The following FAM13A variants were observed in gnomAD, a reference collection of about 807,000 sequenced individuals.
FAM13A encodes the protein protein FAM13A.
Under a neutral mutation model 129.6 loss-of-function variants are expected in FAM13A, and 76 were observed. The ratio of observed to expected loss-of-function variants is 0.59; its 90% CI spans 0.49 to 0.71. The LOEUF (loss-of-function observed/expected upper bound fraction) is 0.71. FAM13A is among the 30% of genes least tolerant of loss of function. The pLI is 0.00. For missense variants in FAM13A, 1,108 were observed against 1,249.3 expected, an observed-to-expected ratio of 0.89 and a Z score of 1.70; for synonymous variants, 443 against 449.9, an observed-to-expected ratio of 0.98 and a Z score of 0.20.
At chr4:88,955,481 T>C (rs1757607244) in intron 4 of FAM13A, among the ~76,000 whole-genome samples, 1 of 152,026 alleles carries the variant, frequency 6.6e-6, no homozygotes, top group South Asian at 2.1e-4. Flanking sequence ...ACACAGTAAA[T>C]TGGTACCGGG....
chr4:88,842,972 G>A (rs1381815943), intron 7 of FAM13A, among the ~76,000 whole-genome samples: 1 of 152,150 alleles, frequency 6.6e-6, no homozygotes, highest in Admixed American at 6.5e-5. Flanking sequence ...ATTTGGAAAG[G>A]AGACTGAAAT....
chr4:88,988,324 CT>C (rs1762524428), intron 4 of FAM13A, among the ~76,000 whole-genome samples: 1 of 152,136 alleles, frequency 6.6e-6, no homozygotes, highest in African/African-American at 2.4e-5. Flanking sequence ...ATTGGATCGT[CT>C]TCTGAGAAAA....
At chr4:89,021,341 C>G (rs1445619696) in intron 2 of FAM13A, among the ~76,000 whole-genome samples, 1 of 152,152 alleles carries the variant, frequency 6.6e-6, no homozygotes, top group East Asian at 1.9e-4. Context: ...TTCAGGGCCC[C>G]TCATTTTCTT....
chr4:88,825,235 G>A (rs923583008), intron 7 of FAM13A, among the ~76,000 whole-genome samples: 7 of 147,946 alleles, frequency 4.7e-5, no homozygotes, highest in Non-Finnish European at 7.5e-5. Flanking sequence ...TTTGGGGGGG[G>A]GATGGAATCT....
At position 88,992,472 on chromosome 4, in the gene FAM13A, T is replaced by C. The variant is rs1329541431; in HGVS notation, c.428-1322A>G. On this transcript the variant is annotated intron_variant, in intron 3 of 23. Coordinates refer to ENST00000264344, the MANE Select transcript of FAM13A (RefSeq NM_014883.4). ...TTTTAGTAGAGACGGCATTTCACCATGTTGGCCAGGCTGGGGCCTCCCAAA... is the reference window on the plus strand; with the variant it reads ...TTTTAGTAGAGACGGCATTTCACCACGTTGGCCAGGCTGGGGCCTCCCAAA... 2.0e-5 allele frequency among the ~76,000 whole-genome samples: 3 copies of C among 152,098 alleles called. No individual in the cohort carries two copies. In the East Asian group the frequency reaches 5.8e-4, roughly 29 times the overall value.
chr4:88,919,857 T>C (rs1468609854), intron 5 of FAM13A, among the ~76,000 whole-genome samples: 1 of 152,230 alleles, frequency 6.6e-6, no homozygotes, highest in African/African-American at 2.4e-5. Context: ...ATACTGCGCT[T>C]TTCCGACGGG....
At chr4:88,927,831 C>G (rs1313040288) in intron 5 of FAM13A, among the ~76,000 whole-genome samples, 1 of 151,616 alleles carries the variant, frequency 6.6e-6, no homozygotes, top group Non-Finnish European at 1.5e-5. Context: ...TTCATTGGTC[C>G]TTTGTATTTT....
intron 6 of FAM13A, among the ~76,000 whole-genome samples, chr4:88,878,251 G>A (rs966335541): frequency 7.9e-6 from 1 of 126,178 alleles, no homozygotes; most frequent in Non-Finnish European, 1.6e-5. Flanking sequence ...TTGCGCCACT[G>A]CACTCCAGCC....
intron 4 of FAM13A, among the ~76,000 whole-genome samples, chr4:88,947,079 C>A (rs1284710178): frequency 3.9e-5 from 6 of 152,016 alleles, no homozygotes; most frequent in South Asian, 2.1e-4. Flanking sequence ...GACTAAGCAC[C>A]TGCACGAGGC....
intron 3 of FAM13A, among the ~76,000 whole-genome samples, chr4:88,994,285 C>G (rs1763271304): frequency 6.6e-6 from 1 of 152,174 alleles, no homozygotes; most frequent in Non-Finnish European, 1.5e-5. Flanking sequence ...ATTAGCATGA[C>G]ATTTTGCCTC....
chr4:88,975,277 A>G (rs1352095390), intron 4 of FAM13A, among the ~76,000 whole-genome samples: 2 of 152,130 alleles, frequency 1.3e-5, no homozygotes, highest in Admixed American at 1.3e-4. Flanking sequence ...GAGAAAATAA[A>G]AGATAGCTGT....
At chr4:88,862,246 T>C (rs1342831482) in intron 6 of FAM13A, among the ~76,000 whole-genome samples, 1 of 152,204 alleles carries the variant, frequency 6.6e-6, no homozygotes, top group Non-Finnish European at 1.5e-5. Context: ...TTTTATATAA[T>C]GTATATATAC....
chr4:88,847,381 A>G (rs2149967342), intron 7 of FAM13A, among the ~76,000 whole-genome samples: 1 of 152,316 alleles, frequency 6.6e-6, no homozygotes, highest in Non-Finnish European at 1.5e-5. Context: ...ATATAGTTAA[A>G]GCCTGTCTTA....
At chr4:88,807,727 T>C (rs990778383) in intron 7 of FAM13A, among the ~76,000 whole-genome samples, 5 of 152,204 alleles carry the variant, frequency 3.3e-5, no homozygotes, top group Non-Finnish European at 7.3e-5. Flanking sequence ...AGTCCATCCA[T>C]AATGCATTAT....
chr4:88,872,003 C>A (rs575774926), intron 6 of FAM13A, among the ~76,000 whole-genome samples: 3 of 152,162 alleles, frequency 2.0e-5, no homozygotes, highest in South Asian at 2.1e-4. Flanking sequence ...ACATTCTTAA[C>A]GAAAAGAATT....
In FAM13A at chr4:88,726,356, A is replaced by G. The variant is rs1736469679; in HGVS notation, c.*2177T>C. 1 of 146,940 alleles carries G rather than the reference A, an allele frequency of 6.8e-6. No individual in the cohort carries two copies. Among genetic ancestry groups the G allele is most frequent in the African/African-American group, 2.7e-5 (1 of 37,182 alleles). The allele number at this position is 146,940 out of a possible 1,614,324, so 9.1% of individuals were successfully genotyped here. On this transcript the variant is annotated 3_prime_UTR_variant, in exon 24 of 24. Transcript: ENST00000264344. ...AGGAAAACACAACATCTCATACACAATTTATTTTATATAACTTACTTGGTG... is the reference window on the plus strand; with the variant it reads ...AGGAAAACACAACATCTCATACACAGTTTATTTTATATAACTTACTTGGTG...
intron 3 of FAM13A, among the ~76,000 whole-genome samples, chr4:89,003,996 C>CT (rs1001445044): frequency 7.9e-5 from 12 of 152,042 alleles, no homozygotes; most frequent in Non-Finnish European, 1.3e-4. Context: ...GTTTTCTTTT[C>CT]TTTTTTTGTA....
chr4:88,918,078 T>A (rs557482288), intron 5 of FAM13A, among the ~76,000 whole-genome samples: 1 of 152,332 alleles, frequency 6.6e-6, no homozygotes, highest in Admixed American at 6.5e-5. Context: ...TTTGTAGAAA[T>A]TCCTTTCCTT....
chr4:88,979,318 T>C (rs1274474922), intron 4 of FAM13A, among the ~76,000 whole-genome samples: 4 of 152,198 alleles, frequency 2.6e-5, no homozygotes, highest in Non-Finnish European at 2.9e-5. Context: ...AACCAGCAAG[T>C]TTAATTCTAA....
Sources: allele counts gnomAD v4.1 joint callset (sites outside exome capture counted in the v4.1 genomes callset), GRCh38; gene constraint gnomAD v4.1.1; transcripts MANE v1.5; gene names NCBI Gene and HGNC (gene_info 2026-07-23, HGNC 2026-07-21).